The following NRG3 variants were observed in gnomAD, a reference collection of about 807,000 sequenced individuals.
The protein encoded by NRG3 is neuregulin 3, also known as pro-neuregulin-3, membrane-bound isoform.
In NRG3, 31 loss-of-function variants were observed where a neutral mutation model predicts 66.9. The observed-to-expected ratio is 0.46, with a 90% CI of 0.35 to 0.63. NRG3 has a LOEUF of 0.63. NRG3 is among the 20% of genes least tolerant of loss of function. NRG3 has a pLI of 0.00. For synonymous variants in NRG3, 393 were observed against 359.4 expected (o/e 1.09, Z -1.06); for missense variants, 910 against 878.9 (o/e 1.04, Z -0.45).
chr10:82,200,919 C>T (rs1002502197), intron 1 of NRG3, among the ~76,000 whole-genome samples: 7 of 152,164 alleles, frequency 4.6e-5, no homozygotes, highest in Non-Finnish European at 7.4e-5. Context: ...ACAGCTGGGC[C>T]GGGCACGTTG....
At chr10:82,460,808 C>T (rs182166198) in intron 2 of NRG3, among the ~76,000 whole-genome samples, 112 of 152,292 alleles carry the variant, frequency 7.4e-4, no homozygotes, top group African/African-American at 2.6e-3. Context: ...GTGTGAGGAG[C>T]ACCTCCCCAA....
intron 1 of NRG3, among the ~76,000 whole-genome samples, chr10:81,978,858 G>A (rs2060221832): frequency 6.6e-6 from 1 of 152,026 alleles, no homozygotes; most frequent in South Asian, 2.1e-4. Flanking sequence ...GCCTGGCCCA[G>A]CATCTTATGT....
chr10:82,737,426 A>G (rs1231963106), intron 2 of NRG3, among the ~76,000 whole-genome samples: 1 of 152,206 alleles, frequency 6.6e-6, no homozygotes, highest in African/African-American at 2.4e-5. Flanking sequence ...AGCATATTTT[A>G]AGGAAAGAAC....
At chr10:82,963,439 G>T (rs975589481) in intron 6 of NRG3, among the ~76,000 whole-genome samples, 2 of 152,202 alleles carry the variant, frequency 1.3e-5, no homozygotes, top group Non-Finnish European at 2.9e-5. Context: ...CCAGCACTTT[G>T]GGAGGCCGAG....
At position 82,969,941 on chromosome 10, in the gene NRG3, T is replaced by C. The variant is rs186865669; in HGVS notation, c.1285-3847T>C. On this transcript the variant is annotated intron_variant, in intron 6 of 8. Coordinates refer to ENST00000372141, the MANE Select transcript of NRG3 (RefSeq NM_001010848.4). Reference sequence around the variant, plus strand: ...TACACAATCTATTTATATCTATTAATTGCACCTTCCTTATTTACACAAATG... The same window carrying C: ...TACACAATCTATTTATATCTATTAACTGCACCTTCCTTATTTACACAAATG... Among the ~76,000 whole-genome samples the C allele has an allele frequency of 4.3e-3, 648 of 152,334 alleles. 5 individuals are homozygous for C. The highest frequency in any genetic ancestry group is 0.015 in the African/African-American group (627 of 41,572).
intron 7 of NRG3, among the ~76,000 whole-genome samples, chr10:82,975,684 A>G (rs1347216215): frequency 6.6e-6 from 1 of 152,226 alleles, no homozygotes; most frequent in African/African-American, 2.4e-5. Flanking sequence ...GAACGTTTTC[A>G]TGATCGATAA....
At chr10:82,516,969 A>G (rs1845716691) in intron 2 of NRG3, among the ~76,000 whole-genome samples, 1 of 152,340 alleles carries the variant, frequency 6.6e-6, no homozygotes, top group African/African-American at 2.4e-5. Context: ...TAAAGCATAT[A>G]TGAAACAATG....
intron 2 of NRG3, among the ~76,000 whole-genome samples, chr10:82,375,293 T>A (rs947299089): frequency 6.6e-6 from 1 of 152,102 alleles, no homozygotes; most frequent in Non-Finnish European, 1.5e-5. Flanking sequence ...ATCCCAGCAC[T>A]TTGGGAGGCC....
At chr10:82,328,310 C>T (rs920618499) in intron 1 of NRG3, among the ~76,000 whole-genome samples, 5 of 152,152 alleles carry the variant, frequency 3.3e-5, no homozygotes, top group South Asian at 2.1e-4. Context: ...GTGAGACCTT[C>T]GGCCACATCC....
At chr10:82,828,917 A>G (rs1415601866) in intron 3 of NRG3, among the ~76,000 whole-genome samples, 1 of 152,208 alleles carries the variant, frequency 6.6e-6, no homozygotes, top group East Asian at 1.9e-4. Flanking sequence ...TCTGTAAAAC[A>G]TGGCAAGGAA....
intron 2 of NRG3, among the ~76,000 whole-genome samples, chr10:82,720,826 T>TA (rs2057267879): frequency 1.5e-5 from 2 of 130,924 alleles, no homozygotes. Flanking sequence ...TATATATATA[T>TA]ATATATATAT....
intron 1 of NRG3, among the ~76,000 whole-genome samples, chr10:82,205,869 T>C (rs905411809): frequency 7.2e-5 from 11 of 152,220 alleles, no homozygotes; most frequent in African/African-American, 2.4e-4. Context: ...GCCTTTTCTT[T>C]GTTAGGATCA....
intron 3 of NRG3, among the ~76,000 whole-genome samples, chr10:82,803,839 G>A (rs1232936267): frequency 6.6e-6 from 1 of 152,180 alleles, no homozygotes; most frequent in East Asian, 1.9e-4. Context: ...ACACGAAGTA[G>A]TCCCTCCTTA....
chr10:82,013,584 T>C (rs2061665866), intron 1 of NRG3, among the ~76,000 whole-genome samples: 1 of 152,178 alleles, frequency 6.6e-6, no homozygotes, highest in Non-Finnish European at 1.5e-5. Context: ...GAAAAAAATA[T>C]TTCAGTGAAT....
chr10:82,169,279 A>G (rs1381655424), intron 1 of NRG3, among the ~76,000 whole-genome samples: 1 of 152,050 alleles, frequency 6.6e-6, no homozygotes, highest in Non-Finnish European at 1.5e-5. Context: ...AAGAATTTTC[A>G]ATTTACAAAA....
At chr10:82,331,546 C>CT (rs771422386) in intron 1 of NRG3, among the ~76,000 whole-genome samples, 14 of 152,068 alleles carry the variant, frequency 9.2e-5, no homozygotes, top group Non-Finnish European at 1.9e-4. Context: ...AAATGGTCTT[C>CT]TTGAAGATTT....
At chr10:82,664,369 A>G (rs1035932526) in intron 2 of NRG3, among the ~76,000 whole-genome samples, 1 of 152,206 alleles carries the variant, frequency 6.6e-6, no homozygotes, top group African/African-American at 2.4e-5. Flanking sequence ...GCTGTGAAAC[A>G]TTTGAGACAC....
chr10:82,891,261 C>T (rs1843126177), intron 4 of NRG3, among the ~76,000 whole-genome samples: 1 of 151,714 alleles, frequency 6.6e-6, no homozygotes, highest in African/African-American at 2.4e-5. Flanking sequence ...TCTAATCGGT[C>T]TGCTTAAAAT....
chr10:82,208,937 A>C (rs1026432324), intron 1 of NRG3, among the ~76,000 whole-genome samples: 1 of 152,148 alleles, frequency 6.6e-6, no homozygotes, highest in African/African-American at 2.4e-5. Flanking sequence ...TTCATCAGCT[A>C]ACCCCAGGGG....
Sources: allele counts gnomAD v4.1 joint callset (sites outside exome capture counted in the v4.1 genomes callset), GRCh38; gene constraint gnomAD v4.1.1; transcripts MANE v1.5; gene names NCBI Gene and HGNC (gene_info 2026-07-23, HGNC 2026-07-21).